ZC3H4: variants seen among roughly 807,000 people sequenced by gnomAD.
ZC3H4 encodes the protein zinc finger CCCH-type containing 4, also known as zinc finger CCCH domain-containing protein 4.
A neutral mutation model predicts 108.3 loss-of-function variants in ZC3H4; 13 were observed. That is an observed-to-expected ratio of 0.12 (90% CI 0.08 to 0.19). The LOEUF (loss-of-function observed/expected upper bound fraction) is 0.19, where lower values mean the gene tolerates loss of function less well. Ranked by LOEUF, ZC3H4 falls within the 10% of genes least tolerant of loss-of-function variation. ZC3H4 has a pLI of 1.00. For missense variants in ZC3H4, 1,734 were observed against 1,838.8 expected (o/e 0.94, Z 1.04); for synonymous variants, 917 against 749.6 (o/e 1.22, Z -3.65).
chr19:47,070,587 C>T (rs943560035), intron 13 of ZC3H4, among the ~76,000 whole-genome samples: 3 of 152,114 alleles, frequency 2.0e-5, no homozygotes, highest in Admixed American at 6.5e-5. Flanking sequence ...GCTGAGAACC[C>T]CAGCACCTAC....
rs200518099 is a variant in ZC3H4, at chr19:47,094,470, G to A, written c.300C>T (p.His100=). 2.1e-4 allele frequency: 336 copies of A among 1,614,058 alleles called. No homozygotes were observed. The highest frequency in any genetic ancestry group is 2.6e-4 in the Non-Finnish European group (309 of 1,180,044). The stretch of plus-strand genomic sequence containing the variant: ...TCTTCCGTTTCCGCTTCAGTCTCCT[G>A]TGGGACTTCTCCTCATCCGAATCAC... ...HHSDSDEEKS[H]RRLKRKRKKE... is the part of the protein sequence containing the mutation. Residue 100 remains histidine, a synonymous_variant, in exon 3 of 15, where the codon CAC becomes CAT. Transcript: ENST00000253048.
rs1442444394 is a variant in ZC3H4, at chr19:47,067,660, G to C, written c.2608C>G (p.Leu870Val). ...ADPRLSRDPRLTRHVEASGGS... is the reference protein window; with the variant it reads ...ADPRLSRDPRVTRHVEASGGS... ...CCAGAAGCCTCCACATGGCGGGTGAGTCTGGGGTCCCGGCTGAGGCGAGGG... is the reference window on the plus strand; with the variant it reads ...CCAGAAGCCTCCACATGGCGGGTGACTCTGGGGTCCCGGCTGAGGCGAGGG... The change falls in exon 15 of 15, where the codon CTC (leucine) becomes GTC (valine). Residue 870 changes from leucine (L) to valine (V), a missense_variant. Physicochemically the swap from Leu to Val is conservative, Grantham distance 32. Around this residue, in one of 9 missense-constraint regions of ZC3H4, gnomAD observed 540 missense variants for 484.1 expected, o/e 1.12. Transcript: ENST00000253048. The surrounding 1 kb of genome is among the most constrained non-coding windows in gnomAD (Gnocchi z 6.4). The C allele has an allele frequency of 3.7e-6, 6 of 1,602,536 alleles. No homozygotes were observed. The highest frequency in any genetic ancestry group is 4.2e-6 in the Non-Finnish European group (5 of 1,176,662).
chr19:47,110,916 C>T, intron 2 of ZC3H4: 6 of 985,268 alleles, frequency 6.1e-6, no homozygotes, highest in Non-Finnish European at 7.2e-6. Flanking sequence ...ACTTGTGTCT[C>T]TGAATGTGGG....
intron 8 of ZC3H4, 29 bp from the exon 9 acceptor site, chr19:47,084,484 G>A: frequency 6.2e-7 from 1 of 1,606,710 alleles, no homozygotes; most frequent in Non-Finnish European, 8.5e-7. Flanking sequence ...GGACGTAAAG[G>A]GGAATGAAAG....
At chr19:47,071,449 A>G (rs543853732) in intron 13 of ZC3H4, among the ~76,000 whole-genome samples, 1 of 152,290 alleles carries the variant, frequency 6.6e-6, no homozygotes, top group South Asian at 2.1e-4. Flanking sequence ...GGTTTTGGCC[A>G]GGCCACTAAC....
rs1483367844 is a variant in ZC3H4 at position 47,084,337 on chromosome 19, C to T, written c.1218+8G>A. Reference sequence around the variant, plus strand: ...TCCTAGAGGTGCCCAGCTTTCAGCGCTCCTTACCCAGGTGCAGCGCCCTTC... The same window carrying T: ...TCCTAGAGGTGCCCAGCTTTCAGCGTTCCTTACCCAGGTGCAGCGCCCTTC... On this transcript the variant is annotated splice_region_variant and intron_variant, in intron 9 of 14. Transcript: ENST00000253048. 3.1e-6 allele frequency: 5 copies of T among 1,614,136 alleles called. No homozygotes were observed. Among genetic ancestry groups the T allele is most frequent in the Non-Finnish European group, 4.2e-6 (5 of 1,179,982 alleles).
intron 11 of ZC3H4, among the ~76,000 whole-genome samples, chr19:47,078,817 C>A (rs1045155242): frequency 6.6e-6 from 1 of 152,066 alleles, no homozygotes; most frequent in African/African-American, 2.4e-5. Flanking sequence ...CGAGATGGTG[C>A]CATTGCACTT....
intron 4 of ZC3H4, among the ~76,000 whole-genome samples, chr19:47,090,684 C>T (rs1006059567): frequency 2.6e-5 from 4 of 152,140 alleles, no homozygotes; most frequent in African/African-American, 9.7e-5. Flanking sequence ...ACGGAAGCAA[C>T]CAAGACATCC....
chr19:47,066,055 CCA>C lies in ZC3H4; in HGVS notation c.*299_*300del, dbSNP rs1284741741. 9 of 275,220 alleles carry C rather than the reference CCA, an allele frequency of 3.3e-5. No individual in the cohort carries two copies. Among genetic ancestry groups the C allele is most frequent in the East Asian group, 2.6e-4 (4 of 15,320 alleles). The allele number at this position is 275,220 out of a possible 1,614,324, so 17.0% of individuals were successfully genotyped here. ...CCAGCAAGGCCCGGCCACGCAGAGCCCACAGAGTCTGAGGCCAGGCACTGGCG... is the reference window on the plus strand; with the variant it reads ...CCAGCAAGGCCCGGCCACGCAGAGCCCAGAGTCTGAGGCCAGGCACTGGCG... On this transcript the variant is annotated 3_prime_UTR_variant, in exon 15 of 15. Transcript: ENST00000253048.
At position 47,085,326 on chromosome 19, in the gene ZC3H4, C is replaced by T; in HGVS notation, c.959G>A (p.Arg320Gln). ...TCCAGGCCCCTGCCCACCTCGGCCTCGGCTGTCCTTGGAGCGGCGGTACTG... is the reference window on the plus strand; with the variant it reads ...TCCAGGCCCCTGCCCACCTCGGCCTTGGCTGTCCTTGGAGCGGCGGTACTG... Reference protein sequence around the residue: ...LNQYRRSKDSRGRGLSRGRGR... With the variant: ...LNQYRRSKDSQGRGLSRGRGR... Residue 320 changes from arginine (R) to glutamine (Q), a missense_variant, in exon 7 of 15, where the codon CGA (arginine) becomes CAA (glutamine). Arg to Gln is a conservative substitution (Grantham distance 43). Coordinates refer to ENST00000253048, the MANE Select transcript of ZC3H4 (RefSeq NM_015168.2). 3 of 1,599,416 alleles carry T rather than the reference C, an allele frequency of 1.9e-6. No individual in the cohort carries two copies. The highest frequency in any genetic ancestry group is 1.7e-6 in the Non-Finnish European group (2 of 1,173,248).
In ZC3H4 at chr19:47,112,488, A is replaced by C; in HGVS notation, c.97T>G (p.Ser33Ala). Reference sequence around the variant, plus strand: ...GGGGTGGCCGGGCGGGCGTCGGGGGAACACGGAGGAGGCGAAGGCGTTGAT... The same window carrying C: ...GGGGTGGCCGGGCGGGCGTCGGGGGCACACGGAGGAGGCGAAGGCGTTGAT... ...PPSTPSPPPC[S>A]PDARPATPHL... is the part of the protein sequence containing the mutation. Residue 33 changes from serine (S) to alanine (A), a missense_variant, in exon 2 of 15, where the codon TCC (serine) becomes GCC (alanine). Ser to Ala is a moderately conservative substitution (Grantham distance 99). Transcript: ENST00000253048. The C allele has an allele frequency of 3.5e-6, 4 of 1,157,526 alleles. No individual in the cohort carries two copies. The highest frequency in any genetic ancestry group is 3.3e-6 in the Non-Finnish European group (3 of 912,476). The allele number at this position is 1,157,526 out of a possible 1,614,324, so 71.7% of individuals were successfully genotyped here.
Position 47,067,753 on chromosome 19 carries a change from G to C in ZC3H4, c.2515C>G (p.Leu839Val). Reference sequence around the variant, plus strand: ...GGGTCCCCCAGCCCACTGCTGCTCAGCTCCCCAACTGAAGCCGGGGGTCGG... The same window carrying C: ...GGGTCCCCCAGCCCACTGCTGCTCACCTCCCCAACTGAAGCCGGGGGTCGG... Reference protein sequence around the residue: ...SSRPPASVGELSSSGLGDPRL... With the variant: ...SSRPPASVGEVSSSGLGDPRL... Residue 839 changes from leucine to valine, a missense_variant, in exon 15 of 15, where the codon CTG becomes GTG. Leu to Val is a conservative substitution (Grantham distance 32). Transcript: ENST00000253048. This position sits in a 1 kb window ranked among gnomAD's most constrained non-coding sequence, Gnocchi z 6.4. 6.2e-7 allele frequency: 1 copy of C among 1,609,212 alleles called. No individual in the cohort carries two copies. Among genetic ancestry groups the C allele is most frequent in the Non-Finnish European group, 8.5e-7 (1 of 1,178,872 alleles).
rs767024983 is a variant in ZC3H4 at position 47,072,010 on chromosome 19, CGGGTGCATGTCG to C, written c.1902_1913del (p.Pro642_His645del). On this transcript the variant is annotated inframe_deletion, in exon 13 of 15. Transcript: ENST00000253048. The surrounding 1 kb of genome is among the most constrained non-coding windows in gnomAD (Gnocchi z 5.6). Reference sequence around the variant, plus strand: ...CTGCGTGCATGTCAGGGTGCATGTCCGGGTGCATGTCGGGGTGCATGTCAGGATGCATTGGAC... The same window carrying C: ...CTGCGTGCATGTCAGGGTGCATGTCCGGGTGCATGTCAGGATGCATTGGAC... The C allele has an allele frequency of 6.3e-5, 100 of 1,591,402 alleles. No individual in the cohort carries two copies. Among genetic ancestry groups the C allele is most frequent in the Middle Eastern group, 3.3e-4 (2 of 6,046 alleles).
chr19:47,096,338 G>C (rs141558997), intron 2 of ZC3H4, among the ~76,000 whole-genome samples: 2 of 152,236 alleles, frequency 1.3e-5, no homozygotes, highest in South Asian at 4.1e-4. Flanking sequence ...CTTGGAATGG[G>C]GCGGGGGTGC....
intron 9 of ZC3H4, among the ~76,000 whole-genome samples, chr19:47,083,322 A>AG (rs1555781058): frequency 3.4e-5 from 5 of 148,860 alleles, no homozygotes; most frequent in African/African-American, 7.4e-5. Context: ...AAAAAAAAAA[A>AG]AGAGAGAGAG....
At chr19:47,085,536 G>T in intron 6 of ZC3H4, 122 bp from the exon 7 acceptor site, 1 of 845,086 alleles carries the variant, frequency 1.2e-6, no homozygotes, top group Non-Finnish European at 1.8e-6. Context: ...ACCATAACCC[G>T]TTTCCACACA....
intron 5 of ZC3H4, among the ~76,000 whole-genome samples, chr19:47,087,356 C>T (rs1030182599): frequency 6.6e-6 from 1 of 151,246 alleles, no homozygotes; most frequent in Middle Eastern, 3.5e-3. Context: ...TTTGATTACA[C>T]GTTGAAGTAA....
At chr19:47,110,386 C>T (rs1452597966) in intron 2 of ZC3H4, among the ~76,000 whole-genome samples, 1 of 152,092 alleles carries the variant, frequency 6.6e-6, no homozygotes, top group Non-Finnish European at 1.5e-5. Flanking sequence ...AACATACGGG[C>T]CTTTTACATC....
intron 4 of ZC3H4, among the ~76,000 whole-genome samples, chr19:47,091,990 T>C (rs1333173937): frequency 6.6e-6 from 1 of 151,320 alleles, no homozygotes; most frequent in East Asian, 2.0e-4. Context: ...GGGCAGATCA[T>C]TTGACCCCAG....
Sources: allele counts gnomAD v4.1 joint callset (sites outside exome capture counted in the v4.1 genomes callset), GRCh38; gene constraint gnomAD v4.1.1; regional missense constraint gnomAD v4.1.1; non-coding constraint Gnocchi (gnomAD v3.1); transcripts MANE v1.5; gene names NCBI Gene and HGNC (gene_info 2026-07-23, HGNC 2026-07-21).